Variants in PTPRJ observed in about 807,000 individuals in gnomAD.
PTPRJ encodes receptor-type tyrosine-protein phosphatase eta.
PTPRJ carries 129 observed loss-of-function variants against 141.3 expected under a neutral mutation model. The ratio of observed to expected loss-of-function variants is 0.91; its 90% CI spans 0.79 to 1.06. The LOEUF (loss-of-function observed/expected upper bound fraction) is 1.06. Among genes scored for constraint, PTPRJ ranks in the 50% least tolerant of loss-of-function variants. The pLI is 0.00. For missense variants in PTPRJ, 1,601 were observed against 1,679.7 expected, an observed-to-expected ratio of 0.95 and a Z score of 0.82; for synonymous variants, 610 against 640.5, an observed-to-expected ratio of 0.95 and a Z score of 0.72.
At chr11:48,143,851 T>A (rs1455883809) in intron 12 of PTPRJ, among the ~76,000 whole-genome samples, 1 of 126,692 alleles carries the variant, frequency 7.9e-6, no homozygotes, top group African/African-American at 2.9e-5. Flanking sequence ...CTCCTCCCCT[T>A]CTCCCCTTCT....
chr11:48,088,803 C>T (rs548643876), intron 1 of PTPRJ, among the ~76,000 whole-genome samples: 19 of 152,130 alleles, frequency 1.2e-4, no homozygotes, highest in Admixed American at 2.0e-4. Context: ...TCCTTCTCCC[C>T]CTCCTTGGTT....
intron 1 of PTPRJ, among the ~76,000 whole-genome samples, chr11:48,048,596 C>T (rs1299090866): frequency 6.6e-6 from 1 of 152,116 alleles, no homozygotes; most frequent in African/African-American, 2.4e-5. Context: ...GAGTTCGACA[C>T]CAGCCTGGCC....
chr11:47,995,001 G>A (rs969930779), intron 1 of PTPRJ, among the ~76,000 whole-genome samples: 2 of 152,094 alleles, frequency 1.3e-5, no homozygotes, highest in Non-Finnish European at 2.9e-5. Flanking sequence ...TATTGCAAAC[G>A]TTTCCCCCTG....
intron 1 of PTPRJ, among the ~76,000 whole-genome samples, chr11:48,031,952 G>A (rs748215059): frequency 6.6e-6 from 1 of 152,146 alleles, no homozygotes; most frequent in African/African-American, 2.4e-5. Context: ...CCCCACCCCC[G>A]TCAACGTTAG....
chr11:48,162,024 A>G (rs965449534), intron 22 of PTPRJ, among the ~76,000 whole-genome samples: 6 of 152,284 alleles, frequency 3.9e-5, no homozygotes, highest in Middle Eastern at 3.4e-3. Context: ...GGAGTTGTCC[A>G]CATCATTTTT....
chr11:48,091,303 G>A (rs972531164), intron 1 of PTPRJ, among the ~76,000 whole-genome samples: 2 of 152,160 alleles, frequency 1.3e-5, no homozygotes, highest in African/African-American at 4.8e-5. Flanking sequence ...ATTACTTAAG[G>A]TGTTGGAATG....
chr11:48,059,304 G>A (rs2134258134), intron 1 of PTPRJ, among the ~76,000 whole-genome samples: 1 of 152,040 alleles, frequency 6.6e-6, no homozygotes, highest in East Asian at 1.9e-4. Flanking sequence ...TGTATTTTTA[G>A]TAGAGGTGGG....
chr11:48,122,936 A>G (rs568897433), intron 4 of PTPRJ, among the ~76,000 whole-genome samples: 1 of 152,244 alleles, frequency 6.6e-6, no homozygotes, highest in East Asian at 1.9e-4. Flanking sequence ...CACTGCTACC[A>G]GGAGTGTGTG....
chr11:48,080,720 C>T (rs987530452), intron 1 of PTPRJ, among the ~76,000 whole-genome samples: 17 of 152,166 alleles, frequency 1.1e-4, no homozygotes, highest in Non-Finnish European at 1.9e-4. Context: ...CTCAGCTCCA[C>T]GCTCCCCTCC....
At chr11:48,132,010 T>TA (rs1287368196) in intron 8 of PTPRJ, 6 of 371,110 alleles carry the variant, frequency 1.6e-5, no homozygotes, top group Non-Finnish European at 2.2e-5. Context: ...AAATCCCTGA[T>TA]ATAGTAAATA....
chr11:48,152,983 T>C (rs1432927726), intron 18 of PTPRJ, among the ~76,000 whole-genome samples: 3 of 152,218 alleles, frequency 2.0e-5, no homozygotes, highest in Admixed American at 6.5e-5. Flanking sequence ...CATATCTTTT[T>C]GGGGCACAGT....
At chr11:48,076,804 G>A (rs1170780027) in intron 1 of PTPRJ, among the ~76,000 whole-genome samples, 1 of 149,842 alleles carries the variant, frequency 6.7e-6, no homozygotes, top group African/African-American at 2.4e-5. Context: ...AAAAAAAGAT[G>A]TCTTAGAGAA....
intron 22 of PTPRJ, among the ~76,000 whole-genome samples, chr11:48,163,218 C>G: frequency 6.6e-6 from 1 of 152,238 alleles, no homozygotes; most frequent in African/African-American, 2.4e-5. Context: ...GGGGAAATGA[C>G]TTCACTTCTG....
chr11:48,051,347 G>T (rs980280874), intron 1 of PTPRJ, among the ~76,000 whole-genome samples: 10 of 152,212 alleles, frequency 6.6e-5, no homozygotes, highest in African/African-American at 2.4e-4. Flanking sequence ...TGCTCACCTC[G>T]GCCTGCCGAA....
At chr11:48,149,887 TAC>T in intron 16 of PTPRJ, 101 bp from the exon 17 acceptor site, 2 of 881,866 alleles carry the variant, frequency 2.3e-6, no homozygotes, top group Non-Finnish European at 3.5e-6. Flanking sequence ...TGCCAAATTA[TAC>T]CCTGGGTTTT....
intron 1 of PTPRJ, among the ~76,000 whole-genome samples, chr11:48,070,073 A>T (rs1855203376): frequency 6.6e-6 from 1 of 152,350 alleles, no homozygotes; most frequent in East Asian, 1.9e-4. Flanking sequence ...AGCTCTCCTC[A>T]GCCAGTTGGT....
intron 1 of PTPRJ, among the ~76,000 whole-genome samples, chr11:48,070,758 G>C (rs980049837): frequency 6.6e-6 from 1 of 152,142 alleles, no homozygotes; most frequent in African/African-American, 2.4e-5. Flanking sequence ...AAATGTGAAC[G>C]TGCCATTGCT....
chr11:48,005,658 C>T (rs1038535389), intron 1 of PTPRJ, among the ~76,000 whole-genome samples: 3 of 152,242 alleles, frequency 2.0e-5, no homozygotes, highest in East Asian at 3.9e-4. Flanking sequence ...CTGCTATGAA[C>T]GTTTGTCTAC....
intron 15 of PTPRJ, 27 bp from the exon 16 acceptor site, chr11:48,149,420 T>G: frequency 1.4e-6 from 2 of 1,464,358 alleles, no homozygotes; most frequent in Non-Finnish European, 1.9e-6. Context: ...CTTTTTTGTC[T>G]AATGGGTCTC....
Sources: allele counts gnomAD v4.1 joint callset (sites outside exome capture counted in the v4.1 genomes callset), GRCh38; gene constraint gnomAD v4.1.1; transcripts MANE v1.5; gene names NCBI Gene and HGNC (gene_info 2026-07-23, HGNC 2026-07-21).